Variants in DLG2 observed in about 807,000 individuals in gnomAD.
The protein encoded by DLG2 is disks large homolog 2.
In DLG2, 45 loss-of-function variants were observed where a neutral mutation model predicts 132.5. The observed-to-expected ratio is 0.34, with a 90% confidence interval of 0.27 to 0.44. The LOEUF is 0.44. Among genes scored for constraint, DLG2 ranks in the 20% least tolerant of loss-of-function variants. The pLI is 1.00. For synonymous variants in DLG2, 424 were observed against 419.6 expected (o/e 1.01, Z -0.13); for missense variants, 1,045 against 1,196.9 (o/e 0.87, Z 1.87).
At chr11:85,304,501 A>G (rs182399047) in intron 3 of DLG2, among the ~76,000 whole-genome samples, 28 of 152,272 alleles carry the variant, frequency 1.8e-4, no homozygotes, top group Admixed American at 1.6e-3. Flanking sequence ...ATACAGGTTG[A>G]GCATCCCAAA....
At chr11:84,813,654 C>T (rs4370960) in intron 6 of DLG2, among the ~76,000 whole-genome samples, 3,702 of 152,180 alleles carry the variant, frequency 0.024, 63 homozygotes, top group Non-Finnish European at 0.037. Flanking sequence ...GAGACAACCC[C>T]AGGCAGGTCT....
intron 4 of DLG2, among the ~76,000 whole-genome samples, chr11:85,261,153 G>T (rs981246532): frequency 6.6e-6 from 1 of 152,134 alleles, no homozygotes; most frequent in African/African-American, 2.4e-5. Flanking sequence ...AGCAGAGAAG[G>T]GGCTGTCTGC....
rs115427104 is a variant in DLG2, at chr11:84,234,895, C to T, written c.573+16343G>A. On this transcript the variant is annotated intron_variant, in intron 8 of 27. Transcript: ENST00000376104. ...AAAATCTACATTCTGTAGAAAATCC[C>T]CTCCCCTTTCCAGGACTTTTTCATG... is the stretch of plus-strand genomic sequence containing the variant. Among the ~76,000 whole-genome samples the T allele has an allele frequency of 5.8e-3, 883 of 152,308 alleles. 4 individuals are homozygous for T. The highest frequency in any genetic ancestry group is 0.011 in the Non-Finnish European group (716 of 68,028).
chr11:84,895,133 T>C (rs2090011654), intron 6 of DLG2, among the ~76,000 whole-genome samples: 2 of 152,180 alleles, frequency 1.3e-5, no homozygotes, highest in African/African-American at 4.8e-5. Flanking sequence ...CTCAACTTAT[T>C]TACATGATTT....
At chr11:85,200,478 T>C (rs540262369) in intron 4 of DLG2, among the ~76,000 whole-genome samples, 12 of 152,216 alleles carry the variant, frequency 7.9e-5, no homozygotes, top group Non-Finnish European at 1.3e-4. Context: ...TGCATGAGAC[T>C]ATCACTAACC....
At chr11:83,862,644 G>T (rs895312992) in intron 16 of DLG2, among the ~76,000 whole-genome samples, 1 of 151,864 alleles carries the variant, frequency 6.6e-6, no homozygotes, top group African/African-American at 2.4e-5. Context: ...TGTTTGAGGT[G>T]ATAGATACTC....
At chr11:84,502,271 CTTCCTTCCTTCTTTCTTTCTTTCT>C in intron 7 of DLG2, among the ~76,000 whole-genome samples, 1 of 21,850 alleles carries the variant, frequency 4.6e-5, no homozygotes, top group East Asian at 8.6e-4. Flanking sequence ...TCCTTCCTTC[CTTCCTTCCTTCTTTCTTTCTTTCT>C]TTCTTTCTTT....
At position 84,970,218 on chromosome 11, in the gene DLG2, T is replaced by C. The variant is rs953732990; in HGVS notation, c.357+141443A>G. ...CCTTCTTTCCATTCCCTCTGACCAA[T>C]ACTAAGCCAAATTTTAAAGTAGTTG... On this transcript the variant is annotated intron_variant, in intron 6 of 27. Transcript: ENST00000376104. Among the ~76,000 whole-genome samples, 4 of 152,042 alleles carry C rather than the reference T, an allele frequency of 2.6e-5. No individual in the cohort carries two copies. In the Middle Eastern group the frequency reaches 0.01, roughly 391 times the overall value.
At chr11:83,480,310 G>T in intron 22 of DLG2, 4 of 1,286,506 alleles carry the variant, frequency 3.1e-6, no homozygotes, top group South Asian at 2.5e-5. Flanking sequence ...AATCTGAAAT[G>T]ACCACCACAG....
At chr11:84,261,948 T>A (rs140009498) in intron 7 of DLG2, among the ~76,000 whole-genome samples, 87 of 152,252 alleles carry the variant, frequency 5.7e-4, no homozygotes, top group Non-Finnish European at 1.1e-3. Flanking sequence ...TGTGTGAGCA[T>A]CTGGAGCCTG....
In DLG2 at chr11:83,491,754, C is replaced by A. The variant is rs1257441755; in HGVS notation, c.2194-7526G>T. Among the ~76,000 whole-genome samples the A allele has an allele frequency of 1.3e-5, 2 of 151,998 alleles. 1 individual carries two copies. The highest frequency in any genetic ancestry group is 2.9e-5 in the Non-Finnish European group (2 of 67,990). On this transcript the variant is annotated intron_variant, in intron 21 of 27. Coordinates refer to ENST00000376104, the MANE Select transcript of DLG2 (RefSeq NM_001142699.3). ...TTTGTCTGAGATGTCATACTTATTT[C>A]TCCCAAGGAAATAGAGACCTTCTCT... is the stretch of plus-strand genomic sequence containing the variant.
chr11:84,150,651 T>C (rs1311334788), intron 9 of DLG2, among the ~76,000 whole-genome samples: 1 of 152,182 alleles, frequency 6.6e-6, no homozygotes, highest in African/African-American at 2.4e-5. Context: ...AAGTACCATG[T>C]TGTAAGAGTG....
intron 6 of DLG2, among the ~76,000 whole-genome samples, chr11:84,958,520 A>C (rs887218274): frequency 3.9e-5 from 6 of 152,232 alleles, no homozygotes; most frequent in African/African-American, 1.4e-4. Context: ...TAAAAGGCTA[A>C]GTAAACATTA....
At chr11:83,697,697 G>C (rs2082172333) in intron 18 of DLG2, among the ~76,000 whole-genome samples, 1 of 152,072 alleles carries the variant, frequency 6.6e-6, no homozygotes, top group Admixed American at 6.6e-5. Flanking sequence ...CTAGCAGCCT[G>C]GCCAAGAAAA....
intron 7 of DLG2, among the ~76,000 whole-genome samples, chr11:84,502,276 TTCC>T (rs1352647038): frequency 2.3e-4 from 13 of 56,830 alleles, no homozygotes; most frequent in East Asian, 1.9e-3. Context: ...CCTTCCTTCC[TTCC>T]TTCTTTCTTT....
intron 6 of DLG2, among the ~76,000 whole-genome samples, chr11:84,831,914 A>T (rs1303094508): frequency 6.6e-6 from 1 of 151,704 alleles, no homozygotes; most frequent in Non-Finnish European, 1.5e-5. Flanking sequence ...TCACTTCAGG[A>T]AACAGAGCAC....
intron 4 of DLG2, among the ~76,000 whole-genome samples, chr11:85,241,733 A>C (rs2075889038): frequency 6.6e-6 from 1 of 152,018 alleles, no homozygotes; most frequent in Non-Finnish European, 1.5e-5. Flanking sequence ...TGAATTAGAG[A>C]GAGATCTGGG....
At chr11:85,297,798 T>TCAAGTATG (rs2079331543) in intron 3 of DLG2, among the ~76,000 whole-genome samples, 1 of 152,036 alleles carries the variant, frequency 6.6e-6, no homozygotes. Context: ...AGAAGGGTAT[T>TCAAGTATG]CAAGTATGGA....
chr11:85,227,549 T>G (rs1407486652), intron 4 of DLG2, among the ~76,000 whole-genome samples: 1 of 152,138 alleles, frequency 6.6e-6, no homozygotes, highest in Non-Finnish European at 1.5e-5. Flanking sequence ...GTATCAAAAA[T>G]GAGCAAATAA....
Sources: allele counts gnomAD v4.1 joint callset (sites outside exome capture counted in the v4.1 genomes callset), GRCh38; gene constraint gnomAD v4.1.1; transcripts MANE v1.5; gene names NCBI Gene and HGNC (gene_info 2026-07-23, HGNC 2026-07-21).